The following CCDC85A variants were observed in gnomAD, a reference collection of about 807,000 sequenced individuals.
CCDC85A encodes coiled-coil domain-containing protein 85A.
Under a neutral mutation model 50.2 loss-of-function variants are expected in CCDC85A, and 38 were observed. The ratio of observed to expected loss-of-function variants is 0.76; its 90% CI spans 0.58 to 0.99. The LOEUF is 0.99. Ranked by LOEUF, CCDC85A falls within the 50% of genes least tolerant of loss-of-function variation. The pLI, the probability that CCDC85A is intolerant of heterozygous loss-of-function variation, is 0.00. For synonymous variants in CCDC85A, 366 were observed against 301.4 expected (o/e 1.21, Z -2.22); for missense variants, 820 against 742.0 (o/e 1.11, Z -1.22).
chr2:56,225,137 C>A (rs1668490162), intron 2 of CCDC85A, among the ~76,000 whole-genome samples: 1 of 151,204 alleles, frequency 6.6e-6, no homozygotes, highest in Non-Finnish European at 1.5e-5. Context: ...GTGTGGATAT[C>A]CAGTTGTCCC....
intron 2 of CCDC85A, among the ~76,000 whole-genome samples, chr2:56,238,861 A>G (rs953512151): frequency 6.6e-6 from 1 of 152,210 alleles, no homozygotes; most frequent in South Asian, 2.1e-4. Flanking sequence ...GATAGGTGTC[A>G]TGTATAACCT....
intron 2 of CCDC85A, among the ~76,000 whole-genome samples, chr2:56,269,871 A>G (rs1670623022): frequency 6.6e-6 from 1 of 152,060 alleles, no homozygotes; most frequent in African/African-American, 2.4e-5. Flanking sequence ...GCGCTATTAT[A>G]TTTTCTATCC....
chr2:56,315,541 A>G (rs1261136976), intron 2 of CCDC85A, among the ~76,000 whole-genome samples: 1 of 152,154 alleles, frequency 6.6e-6, no homozygotes, highest in Non-Finnish European at 1.5e-5. Context: ...TAATGCATGT[A>G]ACTGAGTAGG....
intron 2 of CCDC85A, among the ~76,000 whole-genome samples, chr2:56,278,926 G>A (rs954516168): frequency 1.3e-5 from 2 of 152,194 alleles, no homozygotes; most frequent in Non-Finnish European, 2.9e-5. Flanking sequence ...CTCCTTTAGT[G>A]TGTGTGTTAG....
rs200793852 is a variant in CCDC85A, at chr2:56,381,424, GT to G, written c.1573-2839del. 5.7e-3 allele frequency among the ~76,000 whole-genome samples: 868 copies of G among 152,154 alleles called. 7 individuals are homozygous for G. The highest frequency in any genetic ancestry group is 0.02 in the African/African-American group (832 of 41,512). ...GGAGCCATAGAGGTCATTCTCCAGT[GT>G]TTGTCCAAAGAATAGTATGTGGACC... On this transcript the variant is annotated intron_variant, in intron 5 of 5. Transcript: ENST00000407595.
At chr2:56,369,614 A>G (rs1414952087) in intron 3 of CCDC85A, among the ~76,000 whole-genome samples, 1 of 152,170 alleles carries the variant, frequency 6.6e-6, no homozygotes, top group Non-Finnish European at 1.5e-5. Flanking sequence ...AGCTTAAAAC[A>G]TAGGTCACTT....
chr2:56,315,963 C>T (rs1672903126), intron 2 of CCDC85A, among the ~76,000 whole-genome samples: 1 of 152,064 alleles, frequency 6.6e-6, no homozygotes, highest in Non-Finnish European at 1.5e-5. Flanking sequence ...TCCCAACTTC[C>T]CTCCTTAGTT....
intron 3 of CCDC85A, among the ~76,000 whole-genome samples, chr2:56,359,370 ATTG>A (rs1169894679): frequency 1.3e-5 from 2 of 152,164 alleles, no homozygotes; most frequent in East Asian, 1.9e-4. Flanking sequence ...AGAAGGGACA[ATTG>A]TTGTGATATC....
chr2:56,280,471 A>G (rs1671156316), intron 2 of CCDC85A, among the ~76,000 whole-genome samples: 3 of 152,226 alleles, frequency 2.0e-5, no homozygotes. Context: ...TTATAGTACT[A>G]TAATTGCTTG....
chr2:56,233,396 C>T (rs1278132771), intron 2 of CCDC85A, among the ~76,000 whole-genome samples: 1 of 152,126 alleles, frequency 6.6e-6, no homozygotes, highest in Admixed American at 6.6e-5. Flanking sequence ...ACATGCTAAA[C>T]ATTTGTGTTG....
At chr2:56,270,493 A>G (rs1198367003) in intron 2 of CCDC85A, among the ~76,000 whole-genome samples, 2 of 152,212 alleles carry the variant, frequency 1.3e-5, no homozygotes, top group Non-Finnish European at 2.9e-5. Flanking sequence ...GATGAAAAGT[A>G]ATAGATACTT....
Position 56,241,310 on chromosome 2 carries a change from G to A in CCDC85A, c.1240+47870G>A, listed in dbSNP as rs185001001. 4.0e-5 allele frequency among the ~76,000 whole-genome samples: 6 copies of A among 151,846 alleles called. No individual in the cohort carries two copies. The East Asian group carries it at 1.2e-3, about 29-fold the overall frequency. On this transcript the variant is annotated intron_variant, in intron 2 of 5. Transcript: ENST00000407595. ...GTACCCATCACTTCAAGCATTTATC[G>A]TTTGTGTTACAAACAATCCAGTTAT...
At chr2:56,337,799 T>C (rs2104309400) in intron 2 of CCDC85A, among the ~76,000 whole-genome samples, 1 of 152,054 alleles carries the variant, frequency 6.6e-6, no homozygotes, top group South Asian at 2.1e-4. Flanking sequence ...TTTCTTTTTT[T>C]TTTGAGACAG....
intron 2 of CCDC85A, among the ~76,000 whole-genome samples, chr2:56,278,650 T>G (rs1671071002): frequency 6.6e-6 from 1 of 152,216 alleles, no homozygotes; most frequent in East Asian, 1.9e-4. Flanking sequence ...CTCGGCTCAC[T>G]GCAACCTCTG....
chr2:56,229,209 T>G (rs924627305), intron 2 of CCDC85A, among the ~76,000 whole-genome samples: 3 of 152,210 alleles, frequency 2.0e-5, no homozygotes, highest in Non-Finnish European at 2.9e-5. Context: ...GCTTCATTTG[T>G]CATTTTATTT....
intron 2 of CCDC85A, among the ~76,000 whole-genome samples, chr2:56,325,470 A>G (rs907925999): frequency 1.3e-5 from 2 of 152,078 alleles, no homozygotes; most frequent in Non-Finnish European, 2.9e-5. Context: ...TTCTGTTCTA[A>G]TGTCTGTGAT....
At chr2:56,326,988 T>C (rs963969418) in intron 2 of CCDC85A, among the ~76,000 whole-genome samples, 2 of 152,150 alleles carry the variant, frequency 1.3e-5, no homozygotes, top group African/African-American at 4.8e-5. Flanking sequence ...ACTACCATAA[T>C]CAGAACTGGT....
intron 2 of CCDC85A, among the ~76,000 whole-genome samples, chr2:56,244,623 C>A (rs914329403): frequency 4.0e-5 from 6 of 151,454 alleles, no homozygotes; most frequent in African/African-American, 1.5e-4. Context: ...CCTTTCCTTT[C>A]TCAAGCAGAA....
intron 2 of CCDC85A, among the ~76,000 whole-genome samples, chr2:56,303,139 C>G (rs1012596240): frequency 6.6e-6 from 1 of 152,156 alleles, no homozygotes; most frequent in Non-Finnish European, 1.5e-5. Context: ...AAACCCATCT[C>G]GCTGCATTGC....
Sources: allele counts gnomAD v4.1 joint callset (sites outside exome capture counted in the v4.1 genomes callset), GRCh38; gene constraint gnomAD v4.1.1; transcripts MANE v1.5; gene names NCBI Gene and HGNC (gene_info 2026-07-23, HGNC 2026-07-21).